DTWD1: variants seen among roughly 807,000 people sequenced by gnomAD.
DTWD1 encodes the protein tRNA-uridine aminocarboxypropyltransferase 1.
Under a neutral mutation model 30.2 loss-of-function variants are expected in DTWD1, and 27 were observed. The ratio of observed to expected loss-of-function variants is 0.90; its 90% confidence interval spans 0.66 to 1.23. DTWD1 has a LOEUF of 1.23. Among genes scored for constraint, DTWD1 ranks in the 50% most tolerant of loss-of-function variants. DTWD1 has a pLI of 0.00. For synonymous variants in DTWD1, 99 were observed against 113.1 expected, an observed-to-expected ratio of 0.88 and a Z score of 0.79; for missense variants, 342 against 348.8, an observed-to-expected ratio of 0.98 and a Z score of 0.15.
intron 4 of DTWD1, among the ~76,000 whole-genome samples, chr15:49,640,400 CT>C (rs2079052436): frequency 2.0e-5 from 3 of 152,118 alleles, no homozygotes; most frequent in African/African-American, 4.8e-5. Flanking sequence ...GCAAATAATG[CT>C]ACTACACACA....
At chr15:49,633,067 A>ATATG (rs1555588689) in intron 3 of DTWD1, among the ~76,000 whole-genome samples, 1 of 144,766 alleles carries the variant, frequency 6.9e-6, no homozygotes, top group South Asian at 2.1e-4. Flanking sequence ...ATATATATAT[A>ATATG]TATGTATTTT....
At chr15:49,628,572 GA>G (rs1454679093) in intron 2 of DTWD1, among the ~76,000 whole-genome samples, 38 of 152,190 alleles carry the variant, frequency 2.5e-4, no homozygotes, top group Admixed American at 2.5e-3. Context: ...CTCTCTTGGG[GA>G]AAGTTGATAA....
intron 4 of DTWD1, 107 bp from the exon 5 acceptor site, chr15:49,643,224 T>C: frequency 7.7e-7 from 1 of 1,298,216 alleles, no homozygotes; most frequent in Non-Finnish European, 1.0e-6. Flanking sequence ...AAAAAAATTC[T>C]TAGAATAATT....
At position 49,648,017 on chromosome 15, in the gene DTWD1, T is replaced by C. The variant is rs577594572; in HGVS notation, c.*4439T>C. ...TAAGGCCAATCTTAGTTAAAAGTTG[T>C]AAATGCAACCATAGGCTACATGTTA... On this transcript the variant is annotated 3_prime_UTR_variant, in exon 5 of 5. Coordinates refer to ENST00000403028, the MANE Select transcript of DTWD1 (RefSeq NM_001144955.2). 1.3e-5 allele frequency: 2 copies of C among 152,216 alleles called. No homozygotes were observed. The highest frequency in any genetic ancestry group is 3.9e-4 in the East Asian group (2 of 5,168). 9.4% of individuals were successfully genotyped at this position (152,216 alleles called of 1,614,324 possible). A position where few individuals can be genotyped will look rare whatever the true frequency, so the allele number is the denominator to read the frequency against.
At chr15:49,636,579 T>A (rs977003034) in intron 4 of DTWD1, among the ~76,000 whole-genome samples, 3 of 152,162 alleles carry the variant, frequency 2.0e-5, no homozygotes, top group Non-Finnish European at 4.4e-5. Flanking sequence ...TAGACTTTTG[T>A]GAAGAGGACA....
chr15:49,638,069 A>G (rs1315653129), intron 4 of DTWD1, among the ~76,000 whole-genome samples: 1 of 152,236 alleles, frequency 6.6e-6, no homozygotes, highest in African/African-American at 2.4e-5. Context: ...AGAGAAAGGG[A>G]ACACTGCCTG....
chr15:49,641,626 G>GT (rs1187943974), intron 4 of DTWD1, among the ~76,000 whole-genome samples: 1 of 151,940 alleles, frequency 6.6e-6, no homozygotes, highest in African/African-American at 2.4e-5. Flanking sequence ...TCTTGTTGGC[G>GT]TATGTTCAGT....
intron 2 of DTWD1, among the ~76,000 whole-genome samples, chr15:49,627,637 A>G (rs919077620): frequency 2.6e-5 from 4 of 152,204 alleles, no homozygotes; most frequent in African/African-American, 9.6e-5. Context: ...TCTGTACAGC[A>G]TGTTATTGTA....
chr15:49,648,383 C>G lies in DTWD1; in HGVS notation c.*4805C>G, dbSNP rs1178917801. The G allele has an allele frequency of 3.9e-5, 6 of 152,216 alleles. No homozygotes were observed. Among genetic ancestry groups the G allele is most frequent in the Non-Finnish European group, 5.9e-5 (4 of 68,070 alleles). The allele number at this position is 152,216 out of a possible 1,614,324, so 9.4% of individuals were successfully genotyped here. A position where few individuals can be genotyped will look rare whatever the true frequency, so the allele number is the denominator to read the frequency against. The stretch of plus-strand genomic sequence containing the variant: ...GTGGTGCGATCTCAGCTCACTACAA[C>G]CTCCACCTCCCAAGTTCAAGCAATT... On this transcript the variant is annotated 3_prime_UTR_variant, in exon 5 of 5. Transcript: ENST00000403028.
chr15:49,632,104 A>G (rs1164802662), intron 2 of DTWD1, 55 bp from the exon 3 acceptor site: 1 of 1,388,778 alleles, frequency 7.2e-7, no homozygotes, highest in African/African-American at 1.5e-5. Flanking sequence ...CTTTTTATTA[A>G]CATAAAAATT....
rs1195003285 is a variant in DTWD1, at chr15:49,650,941, C to T, written c.*7363C>T. 1 of 152,054 alleles carries T rather than the reference C, an allele frequency of 6.6e-6. No homozygotes were observed. Among genetic ancestry groups the T allele is most frequent in the East Asian group, 1.9e-4 (1 of 5,178 alleles). The allele number at this position is 152,054 out of a possible 1,614,324, so 9.4% of individuals were successfully genotyped here. On this transcript the variant is annotated 3_prime_UTR_variant, in exon 5 of 5. Transcript: ENST00000403028. ...GTGATCTGAGCTGCCAATGAGAATC[C>T]CATCACATGTGGCACATGGAACAAA...
In DTWD1 at chr15:49,654,511, T is replaced by C. The variant is rs796176601; in HGVS notation, c.*10933T>C. ...ATATTAGAATTCCAGGATATCCTTC[T>C]AGAGATATCCATATCTCTAGGGACA... On this transcript the variant is annotated 3_prime_UTR_variant, in exon 5 of 5. Transcript: ENST00000403028. 5.3e-5 allele frequency: 8 copies of C among 152,098 alleles called. No homozygotes were observed. The highest frequency in any genetic ancestry group is 1.9e-4 in the African/African-American group (8 of 41,510). 9.4% of individuals were successfully genotyped at this position (152,098 alleles called of 1,614,324 possible). A position where few individuals can be genotyped will look rare whatever the true frequency, so the allele number is the denominator to read the frequency against.
rs917353893 is a variant in DTWD1 at position 49,647,942 on chromosome 15, T to C, written c.*4364T>C. 2.0e-5 allele frequency: 3 copies of C among 151,350 alleles called. No individual in the cohort carries two copies. Among genetic ancestry groups the C allele is most frequent in the African/African-American group, 7.3e-5 (3 of 41,184 alleles). 9.4% of individuals were successfully genotyped at this position (151,350 alleles called of 1,614,324 possible). A position where few individuals can be genotyped will look rare whatever the true frequency, so the allele number is the denominator to read the frequency against. On this transcript the variant is annotated 3_prime_UTR_variant, in exon 5 of 5. Coordinates refer to ENST00000403028, the MANE Select transcript of DTWD1 (RefSeq NM_001144955.2). ...CTGAAATAAAAATTAAATATAAGAG[T>C]TGAAGATAAAATATAGCATAAGAAT...
chr15:49,633,568 C>CTCT, intron 3 of DTWD1: 1 of 258,422 alleles, frequency 3.9e-6, no homozygotes, highest in South Asian at 3.4e-5. Flanking sequence ...TCCTAGGGCT[C>CTCT]AAGTGATCCT....
In DTWD1 at chr15:49,648,113, AAGG is replaced by A. The variant is rs1411244127; in HGVS notation, c.*4538_*4540del. 9 of 152,158 alleles carry A rather than the reference AAGG, an allele frequency of 5.9e-5. 1 individual carries two copies. The highest frequency in any genetic ancestry group is 2.2e-4 in the African/African-American group (9 of 41,456). The allele number at this position is 152,158 out of a possible 1,614,324, so 9.4% of individuals were successfully genotyped here. A position where few individuals can be genotyped will look rare whatever the true frequency, so the allele number is the denominator to read the frequency against. Reference sequence around the variant, plus strand: ...GTAACAGCTATTACCCTTGGTTGTAAAGGAGAAGGTTGGAGATTATTTGTATAC... The same window carrying A: ...GTAACAGCTATTACCCTTGGTTGTAAAGAAGGTTGGAGATTATTTGTATAC... On this transcript the variant is annotated 3_prime_UTR_variant, in exon 5 of 5. Transcript: ENST00000403028.
chr15:49,639,630 T>C (rs2079042403), intron 4 of DTWD1, among the ~76,000 whole-genome samples: 1 of 152,156 alleles, frequency 6.6e-6, no homozygotes, highest in Non-Finnish European at 1.5e-5. Flanking sequence ...AATACTAGGG[T>C]ATAAAAAATA....
chr15:49,651,694 G>A lies in DTWD1; in HGVS notation c.*8116G>A, dbSNP rs1348925886. 2 of 152,290 alleles carry A rather than the reference G, an allele frequency of 1.3e-5. No individual in the cohort carries two copies. The highest frequency in any genetic ancestry group is 2.9e-5 in the Non-Finnish European group (2 of 68,034). The allele number at this position is 152,290 out of a possible 1,614,324, so 9.4% of individuals were successfully genotyped here. On this transcript the variant is annotated 3_prime_UTR_variant, in exon 5 of 5. Coordinates refer to ENST00000403028, the MANE Select transcript of DTWD1 (RefSeq NM_001144955.2). Reference sequence around the variant, plus strand: ...TAGAAATAGACACAATTTCCAGATAGGAGTTTGCTTTTCCTCTTTGCAGAG... The same window carrying A: ...TAGAAATAGACACAATTTCCAGATAAGAGTTTGCTTTTCCTCTTTGCAGAG...
intron 1 of DTWD1, among the ~76,000 whole-genome samples, chr15:49,622,814 C>G (rs1012263033): frequency 4.6e-5 from 7 of 152,164 alleles, no homozygotes; most frequent in African/African-American, 7.2e-5. Context: ...GTGGCCACCT[C>G]AGCCATAAGT....
intron 1 of DTWD1, among the ~76,000 whole-genome samples, chr15:49,621,945 GAGTCTGTAT>G (rs2078734946): frequency 6.6e-6 from 1 of 152,190 alleles, no homozygotes; most frequent in South Asian, 2.1e-4. Context: ...TAGGACAGGG[GAGTCTGTAT>G]AGTGTTCCAT....
Sources: allele counts gnomAD v4.1 joint callset (sites outside exome capture counted in the v4.1 genomes callset), GRCh38; gene constraint gnomAD v4.1.1; transcripts MANE v1.5; gene names NCBI Gene and HGNC (gene_info 2026-07-23, HGNC 2026-07-21).